Variants in HEATR5B observed in about 807,000 individuals in gnomAD.
HEATR5B encodes HEAT repeat containing 5B.
Under a neutral mutation model 224.1 loss-of-function variants are expected in HEATR5B, and 156 were observed. The observed-to-expected ratio is 0.70, with a 90% confidence interval of 0.61 to 0.80. The LOEUF (loss-of-function observed/expected upper bound fraction) is 0.80, where lower values mean the gene tolerates loss of function less well. HEATR5B is among the 30% of genes least tolerant of loss of function. The pLI, the probability that HEATR5B is intolerant of heterozygous loss-of-function variation, is 0.00. For missense variants in HEATR5B, 2,323 were observed against 2,535.5 expected, an observed-to-expected ratio of 0.92 and a Z score of 1.80; for synonymous variants, 1,027 against 893.0, an observed-to-expected ratio of 1.15 and a Z score of -2.68.
In HEATR5B at chr2:37,059,157, T is replaced by C. The variant is rs185424425; in HGVS notation, c.1850-170A>G. On this transcript the variant is annotated intron_variant, in intron 12 of 35. Coordinates refer to ENST00000233099, the MANE Select transcript of HEATR5B (RefSeq NM_019024.3). ...AACTTGCAACAACTACAAAGAAAAATCGTGGAAAAGGCTAGAAAAAAGGTG... is the reference window on the plus strand; with the variant it reads ...AACTTGCAACAACTACAAAGAAAAACCGTGGAAAAGGCTAGAAAAAAGGTG... Among the ~76,000 whole-genome samples, 214 of 151,066 alleles carry C rather than the reference T, an allele frequency of 1.4e-3. 5 individuals carry two copies. The highest frequency in any genetic ancestry group is 1.4e-3 in the Admixed American group (21 of 15,158).
At chr2:37,053,797 T>C (rs1670710952) in intron 16 of HEATR5B, among the ~76,000 whole-genome samples, 190 bp from the exon 17 acceptor site, 1 of 152,068 alleles carries the variant, frequency 6.6e-6, no homozygotes, top group Non-Finnish European at 1.5e-5. Flanking sequence ...CATGCGGTTA[T>C]TAAATGGAAC....
At chr2:37,059,470 T>A (rs1384095278) in intron 12 of HEATR5B, among the ~76,000 whole-genome samples, 7 of 132,928 alleles carry the variant, frequency 5.3e-5, no homozygotes, top group African/African-American at 2.0e-4. Context: ...ATATATTTTT[T>A]TTTTTTTTTT....
At chr2:36,997,186 G>C (rs1195984050) in intron 33 of HEATR5B, among the ~76,000 whole-genome samples, 1 of 151,598 alleles carries the variant, frequency 6.6e-6, no homozygotes, top group South Asian at 2.1e-4. Context: ...TAATTTTTTT[G>C]TTTGTTTGTT....
Position 37,002,322 on chromosome 2 carries a change from G to A in HEATR5B, c.5301C>T (p.Ser1767=), listed in dbSNP as rs770118454. Residue 1767 remains serine, a synonymous_variant, in exon 32 of 36, where the codon TCC becomes TCT. Coordinates refer to ENST00000233099, the MANE Select transcript of HEATR5B (RefSeq NM_019024.3). The stretch of plus-strand genomic sequence containing the variant: ...ATACCGTACCAGCGGGTGAACAAAG[G>A]GATGGTAAATCAGAGAGTATGGTAA... The part of the protein sequence containing the change: ...ATVTILSDLP[S]LCSPAGCMTI... The A allele has an allele frequency of 4.3e-6, 7 of 1,614,186 alleles. No individual in the cohort carries two copies. Among genetic ancestry groups the A allele is most frequent in the Non-Finnish European group, 5.9e-6 (7 of 1,180,036 alleles).
intron 5 of HEATR5B, among the ~76,000 whole-genome samples, chr2:37,072,755 A>G (rs749183988): frequency 4.5e-4 from 68 of 150,510 alleles, no homozygotes; most frequent in Non-Finnish European, 8.2e-4. Context: ...CTGATCAGGA[A>G]AAAAAAAAAG....
At chr2:37,038,121 T>C (rs539210319) in intron 20 of HEATR5B, 97 bp from the exon 21 acceptor site, 2 of 840,618 alleles carry the variant, frequency 2.4e-6, no homozygotes, top group East Asian at 6.3e-5. Context: ...AACCATTCTA[T>C]CCAATTATTA....
intron 22 of HEATR5B, among the ~76,000 whole-genome samples, chr2:37,029,534 G>T (rs1668988054): frequency 6.6e-6 from 1 of 152,054 alleles, no homozygotes; most frequent in South Asian, 2.1e-4. Context: ...CATGGTGGCG[G>T]GTGTCTGTAA....
chr2:37,026,873 A>G (rs1163994460), intron 24 of HEATR5B, among the ~76,000 whole-genome samples: 1 of 152,162 alleles, frequency 6.6e-6, no homozygotes, highest in African/African-American at 2.4e-5. Flanking sequence ...ATCTCAGCTC[A>G]CTGCTACCTC....
At chr2:37,031,191 C>T (rs1284963690) in intron 22 of HEATR5B, among the ~76,000 whole-genome samples, 1 of 152,176 alleles carries the variant, frequency 6.6e-6, no homozygotes, top group Non-Finnish European at 1.5e-5. Context: ...CTTCATCCTA[C>T]ACACCTTTTA....
chr2:37,072,517 G>A (rs750510722), intron 5 of HEATR5B, among the ~76,000 whole-genome samples: 2 of 152,148 alleles, frequency 1.3e-5, no homozygotes, highest in South Asian at 4.1e-4. Flanking sequence ...TAGTTAGGGA[G>A]AAACATGTAA....
chr2:37,057,561 A>G (rs1014997849), intron 14 of HEATR5B, 81 bp from the exon 15 acceptor site: 5 of 857,200 alleles, frequency 5.8e-6, no homozygotes, highest in Non-Finnish European at 9.0e-6. Flanking sequence ...GAGCTGCAAC[A>G]TGTTCAACAG....
intron 24 of HEATR5B, among the ~76,000 whole-genome samples, chr2:37,027,634 GA>G (rs1668863277): frequency 6.6e-6 from 1 of 152,062 alleles, no homozygotes; most frequent in Admixed American, 6.5e-5. Flanking sequence ...AACGTACTGA[GA>G]AAAACCTAAG....
intron 5 of HEATR5B, among the ~76,000 whole-genome samples, chr2:37,074,388 A>C (rs1293455402): frequency 6.6e-6 from 1 of 152,050 alleles, no homozygotes; most frequent in Non-Finnish European, 1.5e-5. Context: ...AAAACAAAAA[A>C]TTTTGATTCA....
At chr2:36,987,802 C>A (rs1387972225) in intron 35 of HEATR5B, among the ~76,000 whole-genome samples, 2 of 152,086 alleles carry the variant, frequency 1.3e-5, no homozygotes, top group African/African-American at 4.8e-5. Flanking sequence ...GGCATGGTAG[C>A]TCACACCTGT....
Position 37,000,669 on chromosome 2 carries a change from G to A in HEATR5B, c.5462C>T (p.Ala1821Val). 6.2e-7 allele frequency: 1 copy of A among 1,614,182 alleles called. No homozygotes were observed. The highest frequency in any genetic ancestry group is 8.5e-7 in the Non-Finnish European group (1 of 1,180,024). Residue 1821 changes from alanine to valine, a missense_variant, in exon 33 of 36, where the codon GCC (alanine) becomes GTC (valine). Transcript: ENST00000233099. ...GIKSIVTLSM[A>V]KTEAGVQKQW... ...TTTTTGAACGCCAGCCTCAGTTTTG[G>A]CCATTGAAAGTGTCACAATACTTTT...
intron 1 of HEATR5B, among the ~76,000 whole-genome samples, chr2:37,083,834 C>T (rs1672788214): frequency 6.6e-6 from 1 of 152,358 alleles, no homozygotes; most frequent in African/African-American, 2.4e-5. Flanking sequence ...CGGTACATAG[C>T]ACCTTTACCC....
intron 26 of HEATR5B, among the ~76,000 whole-genome samples, chr2:37,019,383 T>C (rs1462856591): frequency 2.6e-5 from 4 of 152,152 alleles, no homozygotes; most frequent in Non-Finnish European, 5.9e-5. Flanking sequence ...TATTTCATCA[T>C]TTCACAAAGA....
Position 37,008,692 on chromosome 2 carries a change from T to A in HEATR5B, c.4441A>T (p.Ser1481Cys). 4 of 1,614,204 alleles carry A rather than the reference T, an allele frequency of 2.5e-6. No individual in the cohort carries two copies. Among genetic ancestry groups the A allele is most frequent in the Non-Finnish European group, 3.4e-6 (4 of 1,180,034 alleles). Residue 1481 changes from serine (S) to cysteine (C), a missense_variant, in exon 28 of 36, where the codon AGT becomes TGT. Physicochemically the swap from Ser to Cys is moderately radical, Grantham distance 112. Transcript: ENST00000233099. ...TLVQPELPTL[S>C]RLWLAALKDY... ...TTTAATGCTGCTAACCACAGGCGAC[T>A]GAGTGTTGGTAGTTCAGGTTGTACC...
At chr2:37,010,077 T>C (rs1476417191) in intron 27 of HEATR5B, among the ~76,000 whole-genome samples, 1 of 152,204 alleles carries the variant, frequency 6.6e-6, no homozygotes, top group Non-Finnish European at 1.5e-5. Flanking sequence ...TCCTAAAATA[T>C]AATTTCAAAG....
Sources: gnomAD v4.1 joint callset for allele counts (sites outside exome capture counted in the v4.1 genomes callset) on GRCh38, gnomAD v4.1.1 for gene constraint, MANE v1.5 for transcripts, NCBI Gene and HGNC (gene_info 2026-07-23, HGNC 2026-07-21) for gene names.